Variants in MDGA2 observed in about 807,000 individuals in gnomAD.
MDGA2 encodes MAM domain containing glycosylphosphatidylinositol anchor 2.
Under a neutral mutation model 117.8 loss-of-function variants are expected in MDGA2, and 40 were observed. The observed-to-expected ratio is 0.34, with a 90% CI of 0.26 to 0.44. The LOEUF (loss-of-function observed/expected upper bound fraction) is 0.44. Ranked by LOEUF, MDGA2 falls within the 20% of genes least tolerant of loss-of-function variation. The pLI, the probability that MDGA2 is intolerant of heterozygous loss-of-function variation, is 1.00. For synonymous variants in MDGA2, 452 were observed against 439.0 expected (o/e 1.03, Z -0.37); for missense variants, 1,123 against 1,250.6 (o/e 0.90, Z 1.54).
chr14:47,469,470 C>G (rs1160353165), intron 1 of MDGA2, among the ~76,000 whole-genome samples: 1 of 152,156 alleles, frequency 6.6e-6, no homozygotes, highest in Non-Finnish European at 1.5e-5. Flanking sequence ...CATGTCCGTA[C>G]AAAGGACAAG....
chr14:47,079,818 G>A (rs202183872), intron 6 of MDGA2, among the ~76,000 whole-genome samples: 3 of 133,928 alleles, frequency 2.2e-5, no homozygotes, highest in South Asian at 2.6e-4. Context: ...TGCAAGCTCC[G>A]CCTTCCAGGT....
At chr14:46,980,249 G>C (rs1368343882) in intron 8 of MDGA2, among the ~76,000 whole-genome samples, 1 of 152,208 alleles carries the variant, frequency 6.6e-6, no homozygotes, top group African/African-American at 2.4e-5. Context: ...AGAGGATCAA[G>C]ACTTCAGTTG....
At chr14:47,228,553 AG>A (rs1332917170) in intron 2 of MDGA2, among the ~76,000 whole-genome samples, 1 of 152,182 alleles carries the variant, frequency 6.6e-6, no homozygotes, top group Non-Finnish European at 1.5e-5. Flanking sequence ...GAGCATCTTT[AG>A]CTAGCACATT....
chr14:47,178,968 G>C (rs1412639337), intron 3 of MDGA2, among the ~76,000 whole-genome samples: 1 of 152,048 alleles, frequency 6.6e-6, no homozygotes, highest in Non-Finnish European at 1.5e-5. Flanking sequence ...CTATCCATTA[G>C]AGAGACATAT....
At chr14:46,980,731 A>G (rs1332010670) in intron 8 of MDGA2, among the ~76,000 whole-genome samples, 1 of 152,220 alleles carries the variant, frequency 6.6e-6, no homozygotes, top group East Asian at 1.9e-4. Context: ...ACCCTCCACC[A>G]GCAAAAATAC....
chr14:46,992,412 A>AT (rs888913893), intron 8 of MDGA2, among the ~76,000 whole-genome samples: 25 of 151,726 alleles, frequency 1.6e-4, no homozygotes, highest in African/African-American at 5.3e-4. Context: ...GTTTTGAACA[A>AT]TTTTTTTTTA....
chr14:47,449,733 G>A (rs1281804873), intron 1 of MDGA2, among the ~76,000 whole-genome samples: 4 of 152,144 alleles, frequency 2.6e-5, no homozygotes, highest in Admixed American at 2.0e-4. Context: ...CAGAGCAAAA[G>A]CAAAGCTACC....
chr14:46,913,113 G>C (rs3007118), intron 10 of MDGA2, among the ~76,000 whole-genome samples: 132,108 of 152,046 alleles, frequency 0.87, 58,810 homozygotes, highest in East Asian at 0.99. Context: ...TTTCAAAATT[G>C]TTCCCCAAAA....
chr14:47,014,731 C>A (rs1888020001), intron 8 of MDGA2, among the ~76,000 whole-genome samples: 1 of 152,176 alleles, frequency 6.6e-6, no homozygotes, highest in Non-Finnish European at 1.5e-5. Context: ...TGGTTTAATG[C>A]AATGTTGTGG....
chr14:47,189,563 T>C (rs559322750), intron 3 of MDGA2, among the ~76,000 whole-genome samples: 1 of 152,312 alleles, frequency 6.6e-6, no homozygotes, highest in Non-Finnish European at 1.5e-5. Context: ...CCATTTACTT[T>C]TCCTCCTCCC....
At chr14:47,002,066 G>A (rs1235415697) in intron 8 of MDGA2, among the ~76,000 whole-genome samples, 2 of 152,128 alleles carry the variant, frequency 1.3e-5, no homozygotes, top group African/African-American at 4.8e-5. Context: ...TGGGAATGGA[G>A]AGGTGCTGAG....
intron 1 of MDGA2, among the ~76,000 whole-genome samples, chr14:47,397,283 G>C (rs894113432): frequency 3.3e-5 from 5 of 152,040 alleles, no homozygotes; most frequent in African/African-American, 1.2e-4. Flanking sequence ...TGAACAATGA[G>C]AACACATAAA....
At chr14:47,084,875 C>T (rs1890841353) in intron 6 of MDGA2, among the ~76,000 whole-genome samples, 1 of 152,124 alleles carries the variant, frequency 6.6e-6, no homozygotes, top group Non-Finnish European at 1.5e-5. Flanking sequence ...AACTGTGAGA[C>T]ATCACCATTT....
chr14:47,298,410 T>TC (rs1305667520), intron 2 of MDGA2, among the ~76,000 whole-genome samples: 1 of 152,192 alleles, frequency 6.6e-6, no homozygotes, highest in Non-Finnish European at 1.5e-5. Flanking sequence ...TTATGACTCT[T>TC]ACTGCTACAA....
In MDGA2 at chr14:47,214,019, G is replaced by T. The variant is rs148168913; in HGVS notation, c.595+4002C>A. Among the ~76,000 whole-genome samples, 489 of 152,128 alleles carry T rather than the reference G, an allele frequency of 3.2e-3. 5 individuals are homozygous for T. The highest frequency in any genetic ancestry group is 0.011 in the African/African-American group (457 of 41,510). The stretch of plus-strand genomic sequence containing the variant: ...AGGAAAAGTACCGAGCGAAGAGGGG[G>T]GTAAAGAGTCCCTCATAAAACCATC... On this transcript the variant is annotated intron_variant, in intron 3 of 16. Transcript: ENST00000399232.
At chr14:46,930,641 C>G (rs1197440054) in intron 9 of MDGA2, among the ~76,000 whole-genome samples, 1 of 152,140 alleles carries the variant, frequency 6.6e-6, no homozygotes, top group East Asian at 1.9e-4. Flanking sequence ...GTTAATCACT[C>G]TGGCAAATCT....
At chr14:47,229,706 A>T (rs1886625092) in intron 2 of MDGA2, among the ~76,000 whole-genome samples, 1 of 151,952 alleles carries the variant, frequency 6.6e-6, no homozygotes, top group Non-Finnish European at 1.5e-5. Context: ...TAAACTATTC[A>T]TTAAAAAAAA....
At chr14:47,470,308 C>T (rs1367505523) in intron 1 of MDGA2, among the ~76,000 whole-genome samples, 3 of 146,474 alleles carry the variant, frequency 2.0e-5, no homozygotes, top group African/African-American at 7.6e-5. Context: ...ATGTTCCCTT[C>T]CTTATGTCCA....
At chr14:47,028,212 T>C (rs1594542880) in intron 8 of MDGA2, among the ~76,000 whole-genome samples, 1 of 152,094 alleles carries the variant, frequency 6.6e-6, no homozygotes, top group East Asian at 1.9e-4. Context: ...ACCAAAAACA[T>C]CTGGAAAATA....
Sources: allele counts gnomAD v4.1 joint callset (sites outside exome capture counted in the v4.1 genomes callset), GRCh38; gene constraint gnomAD v4.1.1; transcripts MANE v1.5; gene names NCBI Gene and HGNC (gene_info 2026-07-23, HGNC 2026-07-21).